Variants in UBE2D3 observed in about 807,000 individuals in gnomAD.
UBE2D3 encodes ubiquitin-conjugating enzyme E2 D3.
A neutral mutation model predicts 22.8 loss-of-function variants in UBE2D3; 2 were observed. The observed-to-expected ratio is 0.09, with a 90% CI of 0.04 to 0.28. UBE2D3 has a LOEUF of 0.28. Ranked by LOEUF, UBE2D3 falls within the 10% of genes least tolerant of loss-of-function variation. UBE2D3 has a pLI of 1.00. For synonymous variants in UBE2D3, 56 were observed against 60.4 expected, an observed-to-expected ratio of 0.93 and a Z score of 0.34; for missense variants, 27 against 182.5, an observed-to-expected ratio of 0.15 and a Z score of 4.91.
intron 1 of UBE2D3, among the ~76,000 whole-genome samples, chr4:102,850,405 C>T (rs1227268542): frequency 6.6e-6 from 1 of 152,168 alleles, no homozygotes; most frequent in Non-Finnish European, 1.5e-5. Flanking sequence ...GGGTTTACCA[C>T]CTTGCCCCTC....
At chr4:102,848,920 CCTGTGTGTGT>C (rs1423353121) in intron 1 of UBE2D3, among the ~76,000 whole-genome samples, 1 of 96,484 alleles carries the variant, frequency 1.0e-5, no homozygotes, top group Non-Finnish European at 2.1e-5. Flanking sequence ...TTTATGTGTG[CCTGTGTGTGT>C]GTGTGTGTGT....
At position 102,807,793 on chromosome 4, in the gene UBE2D3, A is replaced by ACT. The variant is rs549481118; in HGVS notation, c.120+1877_120+1878dup. On this transcript the variant is annotated intron_variant, in intron 4 of 7. Transcript: ENST00000453744. ...TTCTCTAAAAAAATTACTACCATAC[A>ACT]CTCATCATTCATGTTTCCTTTTGAT... Among the ~76,000 whole-genome samples, 28 of 152,166 alleles carry ACT rather than the reference A, an allele frequency of 1.8e-4. 1 individual carries two copies. The South Asian group carries it at 5.8e-3, about 32-fold the overall frequency.
At chr4:102,797,522 A>G in intron 7 of UBE2D3, 62 bp from the exon 8 acceptor site, 1 of 1,367,754 alleles carries the variant, frequency 7.3e-7, no homozygotes, top group South Asian at 1.2e-5. Flanking sequence ...TTTAAATGGA[A>G]GGGAAAGATT....
chr4:102,856,799 G>A (rs961340401), intron 1 of UBE2D3, among the ~76,000 whole-genome samples: 3 of 152,030 alleles, frequency 2.0e-5, no homozygotes, highest in Non-Finnish European at 2.9e-5. Context: ...TCACACATAT[G>A]GCCCTACTCC....
chr4:102,864,610 A>G (rs1463951457), intron 1 of UBE2D3, among the ~76,000 whole-genome samples: 1 of 152,234 alleles, frequency 6.6e-6, no homozygotes, highest in Non-Finnish European at 1.5e-5. Flanking sequence ...TGGTATCACC[A>G]TATCAAAGAG....
intron 1 of UBE2D3, among the ~76,000 whole-genome samples, chr4:102,839,768 C>T (rs1731636490): frequency 6.6e-6 from 1 of 152,088 alleles, no homozygotes; most frequent in Non-Finnish European, 1.5e-5. Flanking sequence ...ACCTCAAAAG[C>T]ACAAACAGCA....
upstream of UBE2D3, among the ~76,000 whole-genome samples, chr4:102,829,935 C>T (rs554689769): frequency 2.0e-5 from 3 of 151,936 alleles, no homozygotes; most frequent in African/African-American, 7.3e-5. Flanking sequence ...AAAACAAGAA[C>T]AAAAAACAAA....
chr4:102,859,280 T>C (rs2110377311), intron 1 of UBE2D3, among the ~76,000 whole-genome samples: 1 of 152,108 alleles, frequency 6.6e-6, no homozygotes, highest in East Asian at 1.9e-4. Context: ...CTGCTGAAAG[T>C]CTTATAGGAG....
At chr4:102,838,899 T>C (rs532411221) in intron 1 of UBE2D3, among the ~76,000 whole-genome samples, 1 of 150,596 alleles carries the variant, frequency 6.6e-6, no homozygotes, top group Non-Finnish European at 1.5e-5. Flanking sequence ...CAAAAGATGA[T>C]ACAAGAGGAG....
At chr4:102,840,618 A>G (rs1731697688) in intron 1 of UBE2D3, among the ~76,000 whole-genome samples, 1 of 152,166 alleles carries the variant, frequency 6.6e-6, no homozygotes, top group South Asian at 2.1e-4. Context: ...GGGTACAAAC[A>G]TACAGTGAGA....
chr4:102,827,086 CTT>C (rs1191212056), intron 1 of UBE2D3: 8 of 989,138 alleles, frequency 8.1e-6, no homozygotes, highest in Non-Finnish European at 9.6e-6. Context: ...GGAAGGGAGA[CTT>C]GATGTGTATT....
intron 1 of UBE2D3, chr4:102,827,176 G>GCGCGCCCGCCCAGCCACCTCCACCA: frequency 4.1e-6 from 4 of 986,998 alleles, no homozygotes; most frequent in Non-Finnish European, 4.8e-6. Flanking sequence ...GCGCTCCCGC[G>GCGCGCCCGCCCAGCCACCTCCACCA]CGCGCCCGCC....
intron 2 of UBE2D3, chr4:102,811,849 C>T (rs1728096228): frequency 5.2e-5 from 21 of 406,188 alleles, no homozygotes; most frequent in South Asian, 3.7e-4. Flanking sequence ...AGACCCCATT[C>T]TCCATAAAAA....
rs1171079768 is a variant in UBE2D3, at chr4:102,799,516, A to C, written c.305-16T>G. On this transcript the variant is annotated splice_polypyrimidine_tract_variant and intron_variant, in intron 6 of 7. Transcript: ENST00000453744. ...GATAAAAGAACTGCAAGAAAACAAA[A>C]ACATCTGTTACCCAGTTTCAGGAGT... is the stretch of plus-strand genomic sequence containing the variant. 11 of 1,590,258 alleles carry C rather than the reference A, an allele frequency of 6.9e-6. No homozygotes were observed. Among genetic ancestry groups the C allele is most frequent in the Non-Finnish European group, 9.5e-6 (11 of 1,163,362 alleles).
At chr4:102,860,423 A>G (rs397834892) in intron 1 of UBE2D3, among the ~76,000 whole-genome samples, 20,959 of 72,424 alleles carry the variant, frequency 0.29, 1,737 homozygotes, top group African/African-American at 0.4. Flanking sequence ...GTGTGTGTGT[A>G]TGTGTGTGTG....
At chr4:102,799,382 T>C in intron 7 of UBE2D3, 25 bp downstream of exon 7, 3 of 1,596,754 alleles carry the variant, frequency 1.9e-6, no homozygotes, top group Non-Finnish European at 2.6e-6. Context: ...AAACCACTTT[T>C]ATAATAACTT....
intron 1 of UBE2D3, among the ~76,000 whole-genome samples, chr4:102,845,852 G>A (rs543391972): frequency 6.6e-6 from 1 of 152,230 alleles, no homozygotes; most frequent in East Asian, 1.9e-4. Flanking sequence ...GTGCAGTGGT[G>A]TGATCTCGGC....
At chr4:102,857,088 T>C (rs1732656660) in intron 1 of UBE2D3, among the ~76,000 whole-genome samples, 1 of 152,208 alleles carries the variant, frequency 6.6e-6, no homozygotes, top group Non-Finnish European at 1.5e-5. Flanking sequence ...TCATCAGTTG[T>C]GACAAATGTA....
At chr4:102,799,267 T>C in intron 7 of UBE2D3, 140 bp downstream of exon 7, 1 of 724,546 alleles carries the variant, frequency 1.4e-6, no homozygotes, top group East Asian at 2.7e-5. Context: ...TTTTTTTAAA[T>C]AACCACATTT....
Sources: allele counts gnomAD v4.1 joint callset (sites outside exome capture counted in the v4.1 genomes callset), GRCh38; gene constraint gnomAD v4.1.1; transcripts MANE v1.5; gene names NCBI Gene and HGNC (gene_info 2026-07-23, HGNC 2026-07-21).